ZW10: variants seen among roughly 807,000 people sequenced by gnomAD.
ZW10 encodes zw10 kinetochore protein, also known as centromere/kinetochore protein zw10 homolog.
ZW10 carries 53 observed loss-of-function variants against 87.8 expected under a neutral mutation model. The observed-to-expected ratio is 0.60, with a 90% CI of 0.48 to 0.76. The LOEUF (loss-of-function observed/expected upper bound fraction) is 0.76, where lower values mean the gene tolerates loss of function less well. Among genes scored for constraint, ZW10 ranks in the 30% least tolerant of loss-of-function variants. The pLI, the probability that ZW10 is intolerant of heterozygous loss-of-function variation, is 0.00. For missense variants in ZW10, 837 were observed against 923.0 expected, an observed-to-expected ratio of 0.91 and a Z score of 1.21; for synonymous variants, 312 against 329.2, an observed-to-expected ratio of 0.95 and a Z score of 0.57.
rs148320483 is a variant in ZW10, at chr11:113,736,796, C to T, written c.2043G>A (p.Arg681=). ...LEDISTEDGD[R]LYSLCKTVMD... ...TCACTGTTTTGCATAAGGAATATAA[C>T]CTATCACCATCTTCAGTAGATATGT... The change falls in exon 15 of 16, where the codon AGG becomes AGA. Residue 681 remains arginine (R), a synonymous_variant. Coordinates refer to ENST00000200135, the MANE Select transcript of ZW10 (RefSeq NM_004724.4). The T allele has an allele frequency of 1.9e-5, 30 of 1,614,112 alleles. No homozygotes were observed. The African/African-American group carries it at 3.6e-4, about 19-fold the overall frequency.
intron 3 of ZW10, 90 bp downstream of exon 3, chr11:113,760,727 C>T: frequency 1.1e-6 from 1 of 875,876 alleles, no homozygotes; most frequent in Non-Finnish European, 1.6e-6. Flanking sequence ...AATATGAAGA[C>T]AAAAAAACCC....
chr11:113,760,111 T>G (rs960889104), intron 5 of ZW10, 98 bp downstream of exon 5: 4 of 1,384,068 alleles, frequency 2.9e-6, no homozygotes, highest in Non-Finnish European at 3.9e-6. Context: ...AGATTATGAA[T>G]GAACCCTCAT....
intron 15 of ZW10, among the ~76,000 whole-genome samples, chr11:113,734,432 A>G (rs1435194259): frequency 6.6e-6 from 1 of 152,220 alleles, no homozygotes; most frequent in Non-Finnish European, 1.5e-5. Flanking sequence ...GAGACTAAAC[A>G]GGACAAATAA....
chr11:113,733,743 A>G lies in ZW10; in HGVS notation c.2291T>C (p.Leu764Ser). The G allele has an allele frequency of 6.2e-7, 1 of 1,614,140 alleles. No homozygotes were observed. The highest frequency in any genetic ancestry group is 1.1e-5 in the South Asian group (1 of 91,070). ...SSEVKALIRA[L>S]FQNTERRAAA... ...TGCTCTTCTTTCTGTGTTCTGAAAC[A>G]AGGCACGAATTAAAGCTTTTACTTC... The change falls in exon 16 of 16, where the codon TTG (leucine) becomes TCG (serine). Residue 764 changes from leucine (L) to serine (S), a missense_variant. Leu to Ser is a moderately radical substitution (Grantham distance 145). Coordinates refer to ENST00000200135, the MANE Select transcript of ZW10 (RefSeq NM_004724.4).
Position 113,760,531 on chromosome 11 carries a change from A to G in ZW10, c.402T>C (p.Gly134=), listed in dbSNP as rs765990213. The G allele has an allele frequency of 1.2e-5, 20 of 1,613,826 alleles. No homozygotes were observed. In the Admixed American group the frequency reaches 3.3e-4, roughly 27 times the overall value. ...CALTEKKYVT[G]AQRLEEAQKC... is the part of the protein sequence containing the mutation. ...TTAGTACCTCTTCCAGACGCTGAGC[A>G]CCAGTGACATACTTCTTCTCTGTTA... The change falls in exon 4 of 16, where the codon GGT becomes GGC. Residue 134 remains glycine (G), a synonymous_variant. Transcript: ENST00000200135.
chr11:113,736,201 C>A (rs567736944), intron 15 of ZW10, among the ~76,000 whole-genome samples: 1 of 151,710 alleles, frequency 6.6e-6, no homozygotes, highest in Non-Finnish European at 1.5e-5. Context: ...CTTGAGCCCA[C>A]GAGTTTGAGG....
At chr11:113,755,970 A>G (rs1356521366) in intron 7 of ZW10, among the ~76,000 whole-genome samples, 1 of 152,236 alleles carries the variant, frequency 6.6e-6, no homozygotes, top group Non-Finnish European at 1.5e-5. Context: ...AGTACAGTGT[A>G]ACTATAACTT....
rs758293282 is a variant in ZW10 at position 113,753,557 on chromosome 11, C to T, written c.925+4105G>A. 8.9e-4 allele frequency among the ~76,000 whole-genome samples: 136 copies of T among 152,106 alleles called. 2 individuals are homozygous for T. Among genetic ancestry groups the T allele is most frequent in the Non-Finnish European group, 3.1e-4 (21 of 68,030 alleles). On this transcript the variant is annotated intron_variant, in intron 7 of 15. Coordinates refer to ENST00000200135, the MANE Select transcript of ZW10 (RefSeq NM_004724.4). ...AGCAGCTTGGATTACAGATGGGTGCCACCATGCCCAGCTAATTTTTGTATT... is the reference window on the plus strand; with the variant it reads ...AGCAGCTTGGATTACAGATGGGTGCTACCATGCCCAGCTAATTTTTGTATT...
chr11:113,751,913 C>T (rs1231524399), intron 7 of ZW10, among the ~76,000 whole-genome samples: 2 of 151,938 alleles, frequency 1.3e-5, no homozygotes, highest in Non-Finnish European at 2.9e-5. Flanking sequence ...TATTGCTTCA[C>T]TCCATCACGT....
At chr11:113,758,940 G>A (rs1185153190) in intron 5 of ZW10, among the ~76,000 whole-genome samples, 5 of 152,162 alleles carry the variant, frequency 3.3e-5, no homozygotes, top group East Asian at 1.9e-4. Context: ...TTGGGAGGTC[G>A]AGGCGGGAGG....
At chr11:113,738,996 T>A (rs1311409858) in intron 12 of ZW10, among the ~76,000 whole-genome samples, 1 of 152,096 alleles carries the variant, frequency 6.6e-6, no homozygotes, top group Non-Finnish European at 1.5e-5. Flanking sequence ...TACCATGAAA[T>A]CATGTTACAA....
intron 7 of ZW10, among the ~76,000 whole-genome samples, chr11:113,756,429 C>A (rs1402421294): frequency 6.6e-6 from 1 of 152,192 alleles, no homozygotes; most frequent in African/African-American, 2.4e-5. Context: ...TAGACTCATT[C>A]TATATGGCTC....
Position 113,755,038 on chromosome 11 carries a change from C to T in ZW10, c.925+2624G>A, listed in dbSNP as rs565986620. Among the ~76,000 whole-genome samples, 6 of 152,300 alleles carry T rather than the reference C, an allele frequency of 3.9e-5. No homozygotes were observed. The South Asian group carries it at 1.2e-3, about 32-fold the overall frequency. The stretch of plus-strand genomic sequence containing the variant: ...AATATTACTGCTTACTGGCAATGCA[C>T]CTGGACGCCCAAGAACTCTGATGGA... On this transcript the variant is annotated intron_variant, in intron 7 of 15. Coordinates refer to ENST00000200135, the MANE Select transcript of ZW10 (RefSeq NM_004724.4).
chr11:113,754,213 G>A (rs569872664), intron 7 of ZW10, among the ~76,000 whole-genome samples: 188 of 152,180 alleles, frequency 1.2e-3, no homozygotes, highest in Middle Eastern at 6.8e-3. Flanking sequence ...GGCCGGGTGC[G>A]ATGGCTCACA....
chr11:113,736,111 A>T (rs117686208), intron 15 of ZW10, among the ~76,000 whole-genome samples: 187 of 152,026 alleles, frequency 1.2e-3, no homozygotes, highest in Middle Eastern at 3.4e-3. Flanking sequence ...AAATAAAATA[A>T]TAAAATAAAA....
intron 2 of ZW10, 78 bp from the exon 3 acceptor site, chr11:113,760,996 G>C: frequency 9.6e-7 from 1 of 1,036,544 alleles, no homozygotes; most frequent in Non-Finnish European, 1.4e-6. Flanking sequence ...AAATCAATAA[G>C]CTTTACTAGG....
Position 113,757,691 on chromosome 11 carries a change from A to G in ZW10, c.896T>C (p.Val299Ala). 6.2e-7 allele frequency: 1 copy of G among 1,608,172 alleles called. No homozygotes were observed. The highest frequency in any genetic ancestry group is 1.1e-5 in the South Asian group (1 of 90,254). The change falls in exon 7 of 16, where the codon GTA becomes GCA. Residue 299 changes from valine to alanine, a missense_variant. By Grantham distance (64) the Val-to-Ala change is moderately conservative (BLOSUM62 0). Transcript: ENST00000200135. ...PSEVFTKIRL[V>A]LEVLQKQLLD... ...AAGCTGTTTCTGGAGCACTTCTAGTACCAGTCTGATCTTTGTAAAAACTTC... is the reference window on the plus strand; with the variant it reads ...AAGCTGTTTCTGGAGCACTTCTAGTGCCAGTCTGATCTTTGTAAAAACTTC...
At chr11:113,765,909 T>G (rs76758364) in intron 2 of ZW10, among the ~76,000 whole-genome samples, 11,836 of 152,196 alleles carry the variant, frequency 0.078, 566 homozygotes, top group African/African-American at 0.13. Flanking sequence ...AAGAGTCGGG[T>G]TCCTTAAAGT....
intron 11 of ZW10, among the ~76,000 whole-genome samples, chr11:113,740,341 C>A (rs1953601954): frequency 6.6e-6 from 1 of 152,150 alleles, no homozygotes; most frequent in African/African-American, 2.4e-5. Context: ...GTAATACCAT[C>A]ATTTTGAGAG....
Sources: allele counts gnomAD v4.1 joint callset (sites outside exome capture counted in the v4.1 genomes callset), GRCh38; gene constraint gnomAD v4.1.1; transcripts MANE v1.5; gene names NCBI Gene and HGNC (gene_info 2026-07-23, HGNC 2026-07-21).